ARHGEF15: variants seen among roughly 807,000 people sequenced by gnomAD.
ARHGEF15 encodes the protein Rho guanine nucleotide exchange factor 15.
Under a neutral mutation model 79.7 loss-of-function variants are expected in ARHGEF15, and 58 were observed. The observed-to-expected ratio is 0.73, with a 90% CI of 0.59 to 0.91. ARHGEF15 has a LOEUF of 0.91. Among genes scored for constraint, ARHGEF15 ranks in the 40% least tolerant of loss-of-function variants. The pLI, the probability that ARHGEF15 is intolerant of heterozygous loss-of-function variation, is 0.00. For synonymous variants in ARHGEF15, 442 were observed against 456.0 expected, an observed-to-expected ratio of 0.97 and a Z score of 0.39; for missense variants, 1,012 against 1,108.1, an observed-to-expected ratio of 0.91 and a Z score of 1.23.
Position 8,315,270 on chromosome 17 carries a change from T to C in ARHGEF15, c.1253T>C (p.Met418Thr), listed in dbSNP as rs1236664075. The stretch of plus-strand genomic sequence containing the variant: ...ACCCTCAGCCCCCAGGAGAGGCGCA[T>C]GCAGGAGGTGGGAGCTGGAGGTGGG... Reference protein sequence around the residue: ...LDTLSPQERRMQESLFEVVTS... With the variant: ...LDTLSPQERRTQESLFEVVTS... The change falls in exon 6 of 16, where the codon ATG (methionine) becomes ACG (threonine). Residue 418 changes from methionine to threonine, a missense_variant. Met to Thr is a moderately conservative substitution (Grantham distance 81). Coordinates refer to ENST00000361926, the MANE Select transcript of ARHGEF15 (RefSeq NM_173728.4). The surrounding 1 kb of genome is among the most constrained non-coding windows in gnomAD (Gnocchi z 4.3). 1 of 1,612,738 alleles carries C rather than the reference T, an allele frequency of 6.2e-7. No homozygotes were observed. Among genetic ancestry groups the C allele is most frequent in the East Asian group, 2.2e-5 (1 of 44,844 alleles).
In ARHGEF15 at chr17:8,316,088, G is replaced by T; in HGVS notation, c.1644G>T (p.Pro548=). ...GCCTCCCTAAGTGTGAGCGGCTCCC[G>T]CTGCCGTCCTTCCTGCTACTGCCCT... ...LQSLPKCERL[P]LPSFLLLPFQ... Residue 548 remains proline, a synonymous_variant, in exon 9 of 16, where the codon CCG becomes CCT. Coordinates refer to ENST00000361926, the MANE Select transcript of ARHGEF15 (RefSeq NM_173728.4). The T allele has an allele frequency of 6.2e-7, 1 of 1,602,706 alleles. No individual in the cohort carries two copies. Among genetic ancestry groups the T allele is most frequent in the Admixed American group, 1.7e-5 (1 of 59,660 alleles).
rs751256474 is a variant in ARHGEF15, at chr17:8,315,369, C to T, written c.1261-45C>T. The T allele has an allele frequency of 3.7e-6, 6 of 1,612,536 alleles. No individual in the cohort carries two copies. In the African/African-American group the frequency reaches 4.0e-5, roughly 11 times the overall value. ...GAGGAGGGCCCAGGGTCCTAGCTTCCCACGGTGAACTGGGCTTCCCACGAC... is the reference window on the plus strand; with the variant it reads ...GAGGAGGGCCCAGGGTCCTAGCTTCTCACGGTGAACTGGGCTTCCCACGAC... On this transcript the variant is annotated intron_variant, in intron 6 of 15. Transcript: ENST00000361926. The surrounding 1 kb of genome is among the most constrained non-coding windows in gnomAD (Gnocchi z 4.3).
chr17:8,312,762 T>A, intron 2 of ARHGEF15, 122 bp downstream of exon 2: 1 of 1,591,344 alleles, frequency 6.3e-7, no homozygotes, highest in Non-Finnish European at 8.5e-7. Context: ...GATATCTGGT[T>A]TCTGTATGTC....
chr17:8,310,580 C>T (rs998582750), intron 1 of ARHGEF15, among the ~76,000 whole-genome samples: 14 of 152,084 alleles, frequency 9.2e-5, no homozygotes, highest in Admixed American at 9.2e-4. Flanking sequence ...TGTCCTCATC[C>T]CTACCCCTGT....
intron 9 of ARHGEF15, 28 bp downstream of exon 9, chr17:8,316,176 G>A (rs772087722): frequency 6.3e-7 from 1 of 1,595,182 alleles, no homozygotes; most frequent in Admixed American, 1.7e-5. Context: ...GGCCGTTTCT[G>A]CCCCACCAAC....
rs796985734 is a variant in ARHGEF15, at chr17:8,314,259, C to T, written c.990-647C>T. Among the ~76,000 whole-genome samples the T allele has an allele frequency of 1.2e-4, 18 of 152,246 alleles. 1 individual carries two copies. The highest frequency in any genetic ancestry group is 4.3e-4 in the African/African-American group (18 of 41,540). On this transcript the variant is annotated intron_variant, in intron 4 of 15. Transcript: ENST00000361926. Reference sequence around the variant, plus strand: ...TCATGACCATCTCTTCTATGCTATCCAGGATTGTTAATTATCTTAGATTCA... The same window carrying T: ...TCATGACCATCTCTTCTATGCTATCTAGGATTGTTAATTATCTTAGATTCA...
intron 4 of ARHGEF15, among the ~76,000 whole-genome samples, chr17:8,314,552 A>T (rs557454883): frequency 2.0e-5 from 3 of 152,152 alleles, no homozygotes; most frequent in Admixed American, 2.0e-4. Context: ...AATAGTTGAC[A>T]TAAGAATGGG....
At position 8,320,967 on chromosome 17, in the gene ARHGEF15, G is replaced by A; in HGVS notation, c.2500G>A (p.Gly834Ser). 1 of 1,614,004 alleles carries A rather than the reference G, an allele frequency of 6.2e-7. No individual in the cohort carries two copies. The highest frequency in any genetic ancestry group is 8.5e-7 in the Non-Finnish European group (1 of 1,179,934). The change falls in exon 16 of 16, where the codon GGC becomes AGC. Residue 834 changes from glycine to serine, a missense_variant. Around this residue, in one of 3 missense-constraint regions of ARHGEF15, gnomAD observed 132 missense variants for 124.2 expected, o/e 1.06. Transcript: ENST00000361926. Reference protein sequence around the residue: ...RLLEAVGSSSGTPNAPPP With the variant: ...RLLEAVGSSSSTPNAPPP The stretch of plus-strand genomic sequence containing the variant: ...TCTCGAGGCTGTTGGATCTTCTTCA[G>A]GCACCCCCAATGCCCCCCCACCCTA...
intron 1 of ARHGEF15, among the ~76,000 whole-genome samples, chr17:8,311,059 CCAT>C (rs3217198): frequency 0.16 from 24,467 of 151,592 alleles, 3,333 homozygotes; most frequent in East Asian, 0.62. Context: ...GCTGCAAGAC[CCAT>C]CATCTACAAC....
In ARHGEF15 at chr17:8,318,353, A is replaced by G. The variant is rs1303838604; in HGVS notation, c.1705-34A>G. 2 of 1,599,498 alleles carry G rather than the reference A, an allele frequency of 1.3e-6. No homozygotes were observed. The highest frequency in any genetic ancestry group is 2.7e-5 in the African/African-American group (2 of 74,590). The stretch of plus-strand genomic sequence containing the variant: ...CCTCTGAATCCCAGGGCCACAGAGC[A>G]GGGGGCCCAGTCACCCTTCCTCCTT... On this transcript the variant is annotated intron_variant, in intron 9 of 15. Transcript: ENST00000361926. This position sits in a 1 kb window ranked among gnomAD's most constrained non-coding sequence, Gnocchi z 5.0.
chr17:8,314,830 C>A lies in ARHGEF15; in HGVS notation c.990-76C>A. On this transcript the variant is annotated intron_variant, in intron 4 of 15. Transcript: ENST00000361926. ...CAACCTGCACATGGGTTGCCCTGTCCAGCATGAGAACAAGCACCCCTACGG... is the reference window on the plus strand; with the variant it reads ...CAACCTGCACATGGGTTGCCCTGTCAAGCATGAGAACAAGCACCCCTACGG... 3 of 1,587,636 alleles carry A rather than the reference C, an allele frequency of 1.9e-6. No individual in the cohort carries two copies. The African/African-American group carries it at 4.0e-5, about 21-fold the overall frequency.
chr17:8,316,192 C>A, intron 9 of ARHGEF15, 44 bp downstream of exon 9: 2 of 1,588,052 alleles, frequency 1.3e-6, no homozygotes, highest in South Asian at 1.1e-5. Flanking sequence ...CCAACCCCAT[C>A]GGAGAACTCT....
At chr17:8,317,718 G>A (rs1387237318) in intron 9 of ARHGEF15, among the ~76,000 whole-genome samples, 1 of 152,130 alleles carries the variant, frequency 6.6e-6, no homozygotes, top group Non-Finnish European at 1.5e-5. Flanking sequence ...AGCACTCTTA[G>A]CTACTCTGCT....
At position 8,312,868 on chromosome 17, in the gene ARHGEF15, G is replaced by A. The variant is rs543164190; in HGVS notation, c.602-54G>A. ...GGTTAAAGATGGAGATGGTCTGGGC[G>A]GGGGTGGAGCTGGGCCCCAAGGGCT... On this transcript the variant is annotated intron_variant, in intron 2 of 15. Transcript: ENST00000361926. 8.3e-6 allele frequency: 13 copies of A among 1,565,762 alleles called. No homozygotes were observed. In the East Asian group the frequency reaches 1.6e-4, roughly 19 times the overall value.
At position 8,312,052 on chromosome 17, in the gene ARHGEF15, T is replaced by G; in HGVS notation, c.13T>G (p.Ser5Ala). The part of the protein sequence containing the change: MSAQ[S>A]LPAATPPTQK... ...AGCACAGAGGAAGATGTCAGCCCAG[T>G]CCCTTCCTGCAGCAACACCCCCCAC... Residue 5 changes from serine (S) to alanine (A), a missense_variant, in exon 2 of 16, where the codon TCC becomes GCC. Physicochemically the swap from Ser to Ala is moderately conservative, Grantham distance 99. This residue lies in a region of ARHGEF15 where 818 missense variants were observed against 882.5 expected (regional missense o/e 0.93). Coordinates refer to ENST00000361926, the MANE Select transcript of ARHGEF15 (RefSeq NM_173728.4). 1 of 1,591,604 alleles carries G rather than the reference T, an allele frequency of 6.3e-7. No individual in the cohort carries two copies. Among genetic ancestry groups the G allele is most frequent in the Non-Finnish European group, 8.6e-7 (1 of 1,168,682 alleles).
intron 9 of ARHGEF15, 24 bp downstream of exon 9, chr17:8,316,172 T>A: frequency 6.3e-7 from 1 of 1,595,964 alleles, no homozygotes; most frequent in Non-Finnish European, 8.5e-7. Context: ...CTGCGGCCGT[T>A]TCTGCCCCAC....
At position 8,312,300 on chromosome 17, in the gene ARHGEF15, C is replaced by T. The variant is rs750069088; in HGVS notation, c.261C>T (p.Ser87=). Residue 87 remains serine, a synonymous_variant, in exon 2 of 16, where the codon TCC becomes TCT. Transcript: ENST00000361926. ...PPSASRASLD[S]QTSPDSPSST... The stretch of plus-strand genomic sequence containing the variant: ...CAGCTTCTAGAGCCAGCCTCGACTC[C>T]CAGACTTCCCCAGACTCACCTTCCA... 6.4e-7 allele frequency: 1 copy of T among 1,561,514 alleles called. No homozygotes were observed. Among genetic ancestry groups the T allele is most frequent in the Non-Finnish European group, 8.7e-7 (1 of 1,153,484 alleles).
rs762185999 is a variant in ARHGEF15 at position 8,319,126 on chromosome 17, G to A, written c.2153G>A (p.Arg718His). Residue 718 changes from arginine (R) to histidine (H), a missense_variant, in exon 13 of 16, where the codon CGC becomes CAC. Coordinates refer to ENST00000361926, the MANE Select transcript of ARHGEF15 (RefSeq NM_173728.4). The part of the protein sequence containing the change: ...RLSLLSNHQG[R>H]PTHRLLQASS... ...TCCCTTCTCAGCAACCACCAGGGCC[G>A]CCCCACCCACCGACTACTCCAAGCT... is the stretch of plus-strand genomic sequence containing the variant. 2.2e-5 allele frequency: 35 copies of A among 1,613,718 alleles called. No individual in the cohort carries two copies. Among genetic ancestry groups the A allele is most frequent in the African/African-American group, 5.3e-5 (4 of 74,896 alleles).
chr17:8,311,581 C>A (rs1050791622), intron 1 of ARHGEF15, among the ~76,000 whole-genome samples: 1 of 151,972 alleles, frequency 6.6e-6, no homozygotes, highest in Non-Finnish European at 1.5e-5. Context: ...GGCGGACAGG[C>A]GCGCCCACGG....
Sources: allele counts gnomAD v4.1 joint callset (sites outside exome capture counted in the v4.1 genomes callset), GRCh38; gene constraint gnomAD v4.1.1; regional missense constraint gnomAD v4.1.1; non-coding constraint Gnocchi (gnomAD v3.1); transcripts MANE v1.5; gene names NCBI Gene and HGNC (gene_info 2026-07-23, HGNC 2026-07-21).